Variants in ZNF334 observed in about 807,000 individuals in gnomAD.
ZNF334 encodes zinc finger protein 334.
A neutral mutation model predicts 12.4 loss-of-function variants in ZNF334; 14 were observed. The ratio of observed to expected loss-of-function variants is 1.13; its 90% CI spans 0.74 to 1.76. The LOEUF is 1.76. Among genes scored for constraint, ZNF334 ranks in the 40% most tolerant of loss-of-function variants. The probability of loss-of-function intolerance (pLI) is 0.00; values close to 1 mark genes in which losing one functional copy is unlikely to be tolerated. For missense variants in ZNF334, 797 were observed against 804.5 expected (o/e 0.99, Z 0.11); for synonymous variants, 273 against 269.6 (o/e 1.01, Z -0.12).
chr20:46,506,109 A>G (rs781770667), intron 2 of ZNF334: 14 of 379,396 alleles, frequency 3.7e-5, no homozygotes, highest in Middle Eastern at 7.9e-4. Context: ...GATCTTTACC[A>G]TGCTGTGCTT....
At chr20:46,465,557 C>A in the ZNF334 span, among the ~76,000 whole-genome samples, 1 of 151,992 alleles carries the variant, frequency 6.6e-6, no homozygotes, top group Admixed American at 6.6e-5. Context: ...AACAAACAAA[C>A]AAAAAACACT....
the ZNF334 span, chr20:46,490,903 T>C: frequency 1.4e-4 from 21 of 152,440 alleles, no homozygotes; most frequent in East Asian, 4.0e-3. Flanking sequence ...GCTTTCACCA[T>C]GGAGAATACC....
chr20:46,486,827 G>C, the ZNF334 span, among the ~76,000 whole-genome samples: 12 of 152,068 alleles, frequency 7.9e-5, no homozygotes, highest in Admixed American at 7.2e-4. Context: ...TTGCATTTTA[G>C]TTGGCTCCAT....
At chr20:46,467,545 C>T in the ZNF334 span, among the ~76,000 whole-genome samples, 6 of 152,206 alleles carry the variant, frequency 3.9e-5, no homozygotes, top group African/African-American at 1.4e-4. Flanking sequence ...GATTTACATC[C>T]TTTGTGGAAT....
chr20:46,503,385 A>G (rs1379175189), intron 4 of ZNF334, among the ~76,000 whole-genome samples: 1 of 152,260 alleles, frequency 6.6e-6, no homozygotes, highest in East Asian at 1.9e-4. Context: ...AAATACTACT[A>G]AACATTGAGT....
At chr20:46,485,663 A>G in the ZNF334 span, 23 of 152,156 alleles carry the variant, frequency 1.5e-4, no homozygotes, top group African/African-American at 5.3e-4. Context: ...GCTCATTCAT[A>G]GGCTCCTAAA....
the ZNF334 span, among the ~76,000 whole-genome samples, chr20:46,472,160 C>T: frequency 1.3e-5 from 2 of 152,146 alleles, no homozygotes; most frequent in Admixed American, 6.5e-5. Context: ...ACTTATGAGG[C>T]CCTAAATGAT....
chr20:46,481,838 T>C, the ZNF334 span, among the ~76,000 whole-genome samples: 4 of 152,200 alleles, frequency 2.6e-5, no homozygotes, highest in African/African-American at 9.6e-5. Context: ...TGTGGTAGAA[T>C]GAACAATCTC....
the ZNF334 span, among the ~76,000 whole-genome samples, chr20:46,475,777 C>A: frequency 0.4 from 60,594 of 151,878 alleles, 14,509 homozygotes; most frequent in African/African-American, 0.68. Context: ...AACACCACTA[C>A]ATGCTGGCCA....
chr20:46,468,380 T>G, the ZNF334 span, among the ~76,000 whole-genome samples: 1 of 151,790 alleles, frequency 6.6e-6, no homozygotes, highest in South Asian at 2.1e-4. Context: ...GTTCAAGTGA[T>G]TCTCCCACCT....
chr20:46,496,168 C>T (rs908043554), downstream of ZNF334, among the ~76,000 whole-genome samples: 2 of 152,160 alleles, frequency 1.3e-5, no homozygotes, highest in Admixed American at 6.5e-5. Flanking sequence ...GCTGCTCCTT[C>T]GAAGAAAGCC....
chr20:46,475,583 GA>G, the ZNF334 span, among the ~76,000 whole-genome samples: 11,536 of 149,934 alleles, frequency 0.077, 529 homozygotes, highest in East Asian at 0.18. Context: ...AGCAAAAAAA[GA>G]AAAAAAAATC....
chr20:46,512,159 C>A lies in ZNF334; in HGVS notation c.-38-19G>T. 1.3e-6 allele frequency: 2 copies of A among 1,596,628 alleles called. No individual in the cohort carries two copies. Among genetic ancestry groups the A allele is most frequent in the South Asian group, 1.1e-5 (1 of 90,546 alleles). On this transcript the variant is annotated intron_variant, in intron 1 of 4. Transcript: ENST00000692313. Reference sequence around the variant, plus strand: ...AGCAGAGCTGGGTAAGGAAGAATGGCGAATGGAATCATGAGCGATTTGGCT... The same window carrying A: ...AGCAGAGCTGGGTAAGGAAGAATGGAGAATGGAATCATGAGCGATTTGGCT...
chr20:46,479,307 T>C, the ZNF334 span, among the ~76,000 whole-genome samples: 1 of 152,076 alleles, frequency 6.6e-6, no homozygotes, highest in Non-Finnish European at 1.5e-5. Flanking sequence ...TCCAGGATAA[T>C]TGTCCCAACT....
chr20:46,479,632 T>C, the ZNF334 span, among the ~76,000 whole-genome samples: 1 of 152,174 alleles, frequency 6.6e-6, no homozygotes, highest in Non-Finnish European at 1.5e-5. Context: ...TCTCTGACAC[T>C]TTGAAATGGC....
In ZNF334 at chr20:46,502,680, T is replaced by C; in HGVS notation, c.659A>G (p.Lys220Arg). ...CTTTTGTGTAATGAGAATTGCCCTC[T>C]TGAAGAAGGTTTTCCCACATTTATT... is the stretch of plus-strand genomic sequence containing the variant. Reference protein sequence around the residue: ...DYNKCGKTFFKRAILITQKGR... With the variant: ...DYNKCGKTFFRRAILITQKGR... Residue 220 changes from lysine to arginine, a missense_variant, in exon 5 of 5, where the codon AAG (lysine) becomes AGG (arginine). Coordinates refer to ENST00000692313, the MANE Select transcript of ZNF334 (RefSeq NM_001353824.2). 2 of 1,612,800 alleles carry C rather than the reference T, an allele frequency of 1.2e-6. No homozygotes were observed. The highest frequency in any genetic ancestry group is 2.2e-5 in the East Asian group (1 of 44,868).
chr20:46,508,542 A>C (rs140415750), intron 2 of ZNF334, among the ~76,000 whole-genome samples: 1 of 152,314 alleles, frequency 6.6e-6, no homozygotes, highest in Non-Finnish European at 1.5e-5. Flanking sequence ...AAGAGTGTAA[A>C]ATTTGGGGCA....
intron 2 of ZNF334, 42 bp downstream of exon 2, chr20:46,512,040 A>G (rs762716675): frequency 3.7e-6 from 6 of 1,604,824 alleles, no homozygotes; most frequent in Admixed American, 3.3e-5. Context: ...ACCTCTTGAA[A>G]TTCACTGTAT....
chr20:46,462,693 C>T, the ZNF334 span, among the ~76,000 whole-genome samples: 6 of 152,198 alleles, frequency 3.9e-5, no homozygotes, highest in East Asian at 3.8e-4. Flanking sequence ...TTTATATAGA[C>T]AGGCAGAGCT....
Sources: allele counts gnomAD v4.1 joint callset (sites outside exome capture counted in the v4.1 genomes callset), GRCh38; gene constraint gnomAD v4.1.1; transcripts MANE v1.5; gene names NCBI Gene and HGNC (gene_info 2026-07-23, HGNC 2026-07-21).